The following PLK5 variants were observed in gnomAD, a reference collection of about 807,000 sequenced individuals.
PLK5 encodes inactive serine/threonine-protein kinase PLK5.
PLK5 carries 28 observed loss-of-function variants against 33.7 expected under a neutral mutation model. That is an observed-to-expected ratio of 0.83 (90% CI 0.62 to 1.14). PLK5 has a LOEUF of 1.14. PLK5 is among the 50% of genes most tolerant of loss of function. The pLI, the probability that PLK5 is intolerant of heterozygous loss-of-function variation, is 0.00. For missense variants in PLK5, 492 were observed against 461.5 expected (o/e 1.07, Z -0.61); for synonymous variants, 225 against 202.2 (o/e 1.11, Z -0.96).
chr19:1,527,854 T>A, intron 6 of PLK5, 82 bp from the exon 7 acceptor site: 1 of 1,375,312 alleles, frequency 7.3e-7, no homozygotes, highest in South Asian at 1.4e-5. Context: ...AGCTAAGCTG[T>A]GTAGGCAGGT....
intron 10 of PLK5, 31 bp from the exon 11 acceptor site, chr19:1,529,716 C>CT (rs1269551878): frequency 5.2e-6 from 8 of 1,535,048 alleles, no homozygotes; most frequent in Non-Finnish European, 6.1e-6. Flanking sequence ...GAACCCAGAC[C>CT]TGTCTGCGGC....
At chr19:1,531,691 T>TGCCTGAC (rs1913932834) in intron 11 of PLK5, 47 bp from the exon 12 acceptor site, 4 of 1,528,116 alleles carry the variant, frequency 2.6e-6, no homozygotes. Context: ...GCCTACTATA[T>TGCCTGAC]GCCTGACCCC....
In PLK5 at chr19:1,529,834, G is replaced by A. The variant is rs1329864529; in HGVS notation, c.568+10G>A. 7.8e-6 allele frequency: 12 copies of A among 1,534,558 alleles called. No homozygotes were observed. Among genetic ancestry groups the A allele is most frequent in the East Asian group, 4.9e-5 (2 of 40,916 alleles). ...GATGTAGGCCCCCCGGGTAGGAGCC[G>A]GCCCAGCCCCCAGGATCACCTTTAC... On this transcript the variant is annotated intron_variant, in intron 11 of 13. Transcript: ENST00000454744.
At chr19:1,528,813 G>C in intron 8 of PLK5, 85 bp from the exon 9 acceptor site, 1 of 1,056,258 alleles carries the variant, frequency 9.5e-7, no homozygotes, top group East Asian at 2.7e-5. Flanking sequence ...CTCCACATCA[G>C]GGGTGGGTGT....
chr19:1,531,980 C>T lies in PLK5; in HGVS notation c.714+97C>T, dbSNP rs372093185. On this transcript the variant is annotated intron_variant, in intron 12 of 13. Coordinates refer to ENST00000454744, the MANE Select transcript of PLK5 (RefSeq NM_001243079.2). The stretch of plus-strand genomic sequence containing the variant: ...TTTATTAAGCACCTACTGTGCACAC[C>T]TACAGGTGCTCCCTGCCTGGTCGGG... 4.6e-6 allele frequency: 6 copies of T among 1,298,430 alleles called. 1 individual carries two copies. Among genetic ancestry groups the T allele is most frequent in the East Asian group, 3.0e-5 (1 of 33,862 alleles). The allele number at this position is 1,298,430 out of a possible 1,614,324, so 80.4% of individuals were successfully genotyped here. A position where few individuals can be genotyped will look rare whatever the true frequency, so the allele number is the denominator to read the frequency against.
Position 1,526,943 on chromosome 19 carries a change from G to T in PLK5, c.-54G>T, listed in dbSNP as rs1375156803. 9.8e-6 allele frequency: 15 copies of T among 1,534,102 alleles called. No homozygotes were observed. Among genetic ancestry groups the T allele is most frequent in the Non-Finnish European group, 1.3e-5 (15 of 1,145,500 alleles). ...CCCTAACTTCCTGGACCCTGAGGTT[G>T]TCTCCAGAAACGGTCACTCCTGCCA... On this transcript the variant is annotated 5_prime_UTR_variant, in exon 6 of 14. Transcript: ENST00000454744.
Position 1,526,886 on chromosome 19 carries a change from C to A in PLK5, c.-94-17C>A. 7.5e-7 allele frequency: 1 copy of A among 1,339,164 alleles called. No individual in the cohort carries two copies. The highest frequency in any genetic ancestry group is 1.0e-6 in the Non-Finnish European group (1 of 968,872). The allele number at this position is 1,339,164 out of a possible 1,614,324, so 83.0% of individuals were successfully genotyped here. A position where few individuals can be genotyped will look rare whatever the true frequency, so the allele number is the denominator to read the frequency against. On this transcript the variant is annotated splice_polypyrimidine_tract_variant and intron_variant, in intron 5 of 13. Coordinates refer to ENST00000454744, the MANE Select transcript of PLK5 (RefSeq NM_001243079.2). Reference sequence around the variant, plus strand: ...GGGATCCCAGCCTTCCTGAGCCCCCCATGACGCCCTTCCTAGAGTACTCTG... The same window carrying A: ...GGGATCCCAGCCTTCCTGAGCCCCCAATGACGCCCTTCCTAGAGTACTCTG...
At chr19:1,527,915 C>T (rs1261536444) in intron 6 of PLK5, 21 bp from the exon 7 acceptor site, 27 of 1,528,278 alleles carry the variant, frequency 1.8e-5, no homozygotes, top group Non-Finnish European at 2.4e-5. Context: ...CACCCAGGTT[C>T]TTGCCCCCCA....
intron 11 of PLK5, among the ~76,000 whole-genome samples, chr19:1,530,602 G>T (rs868085945): frequency 7.5e-6 from 1 of 132,926 alleles, no homozygotes; most frequent in Non-Finnish European, 1.6e-5. Flanking sequence ...ACGCCTGGGC[G>T]CATTTTTTTT....
intron 12 of PLK5, 138 bp downstream of exon 12, chr19:1,532,021 C>T (rs1255930298): frequency 5.9e-6 from 6 of 1,010,778 alleles, no homozygotes; most frequent in African/African-American, 3.4e-5. Context: ...CAACACTAAA[C>T]GAATCAGCAA....
rs191802632 is a variant in PLK5 at position 1,526,940 on chromosome 19, G to A, written c.-57G>A. On this transcript the variant is annotated 5_prime_UTR_variant, in exon 6 of 14. Coordinates refer to ENST00000454744, the MANE Select transcript of PLK5 (RefSeq NM_001243079.2). ...GACCCCTAACTTCCTGGACCCTGAG[G>A]TTGTCTCCAGAAACGGTCACTCCTG... 2,466 of 1,532,984 alleles carry A rather than the reference G, an allele frequency of 1.6e-3. 4 individuals carry two copies. The highest frequency in any genetic ancestry group is 1.8e-3 in the Non-Finnish European group (2,072 of 1,144,478). 95.0% of individuals were successfully genotyped at this position (1,532,984 alleles called of 1,614,324 possible).
chr19:1,528,219 A>G, intron 7 of PLK5, 83 bp from the exon 8 acceptor site: 1 of 1,533,422 alleles, frequency 6.5e-7, no homozygotes, highest in Admixed American at 2.0e-5. Context: ...CAGCCGAGGG[A>G]GGCCCCGCCC....
At chr19:1,532,058 G>C (rs1454012903) in intron 12 of PLK5, among the ~76,000 whole-genome samples, 175 bp downstream of exon 12, 1 of 152,218 alleles carries the variant, frequency 6.6e-6, no homozygotes, top group Non-Finnish European at 1.5e-5. Context: ...AATGAACCCA[G>C]TGAAGAGGCA....
At chr19:1,529,108 C>T in intron 9 of PLK5, 134 bp downstream of exon 9, 1 of 759,424 alleles carries the variant, frequency 1.3e-6, no homozygotes, top group Non-Finnish European at 2.1e-6. Context: ...CCCCCTAGTC[C>T]CGTCCTGACG....
chr19:1,528,947 C>T lies in PLK5; in HGVS notation c.378C>T (p.Asp126=), dbSNP rs1225763430. The change falls in exon 9 of 14, where the codon GAC becomes GAT. Residue 126 remains aspartate (D), a synonymous_variant. Coordinates refer to ENST00000454744, the MANE Select transcript of PLK5 (RefSeq NM_001243079.2). ...EASGPGEGGP[D]PDSMEWDGES... ...CGGGTCCAGGAGAAGGTGGGCCAGA[C>T]CCTGACTCCATGGAGTGGGACGGCG... 1.3e-6 allele frequency: 2 copies of T among 1,519,770 alleles called. No individual in the cohort carries two copies. Among genetic ancestry groups the T allele is most frequent in the Admixed American group, 4.2e-5 (2 of 47,760 alleles). 94.1% of individuals were successfully genotyped at this position (1,519,770 alleles called of 1,614,324 possible). A position where few individuals can be genotyped will look rare whatever the true frequency, so the allele number is the denominator to read the frequency against.
chr19:1,534,189 G>A (rs1285484888), intron 13 of PLK5, 148 bp downstream of exon 13: 20 of 654,546 alleles, frequency 3.1e-5, no homozygotes, highest in South Asian at 1.4e-4. Flanking sequence ...TGGCTCCTGC[G>A]TACAAAACCA....
chr19:1,531,686 C>T, intron 11 of PLK5, 52 bp from the exon 12 acceptor site: 21 of 1,525,016 alleles, frequency 1.4e-5, no homozygotes, highest in Non-Finnish European at 1.8e-5. Context: ...TGAGTGCCTA[C>T]TATATGCCTG....
At chr19:1,528,811 CAG>C (rs1413941960) in intron 8 of PLK5, 85 bp from the exon 9 acceptor site, 2 of 1,054,992 alleles carry the variant, frequency 1.9e-6, no homozygotes, top group South Asian at 1.7e-5. Flanking sequence ...GTCTCCACAT[CAG>C]GGGTGGGTGT....
At position 1,528,073 on chromosome 19, in the gene PLK5, C is replaced by T. The variant is rs1012409573; in HGVS notation, c.140C>T (p.Ala47Val). ...NARRLIVHLL[A>V]PNPAERPSLD... ...CGCCGCCTCATCGTGCACCTCCTAG[C>T]ACCCAACCCGGCCGAGCGGCCCAGC... Residue 47 changes from alanine to valine, a missense_variant, in exon 7 of 14, where the codon GCA becomes GTA. Transcript: ENST00000454744. 2.4e-5 allele frequency: 37 copies of T among 1,535,966 alleles called. No individual in the cohort carries two copies. The African/African-American group carries it at 5.1e-4, about 21-fold the overall frequency.
Sources: gnomAD v4.1 joint callset for allele counts (sites outside exome capture counted in the v4.1 genomes callset) on GRCh38, gnomAD v4.1.1 for gene constraint, MANE v1.5 for transcripts, NCBI Gene and HGNC (gene_info 2026-07-23, HGNC 2026-07-21) for gene names.